The following MYO1A variants were observed in gnomAD, a reference collection of about 807,000 sequenced individuals.
The protein encoded by MYO1A is unconventional myosin-Ia.
MYO1A carries 127 observed loss-of-function variants against 138.5 expected under a neutral mutation model. That is an observed-to-expected ratio of 0.92 (90% CI 0.79 to 1.06). The LOEUF (loss-of-function observed/expected upper bound fraction) is 1.06. Among genes scored for constraint, MYO1A ranks in the 50% least tolerant of loss-of-function variants. The pLI, the probability that MYO1A is intolerant of heterozygous loss-of-function variation, is 0.00. For missense variants in MYO1A, 1,211 were observed against 1,288.8 expected (o/e 0.94, Z 0.92); for synonymous variants, 477 against 497.5 (o/e 0.96, Z 0.55).
chr12:57,047,125 G>A lies in MYO1A; in HGVS notation c.431-18C>T, dbSNP rs1273558891. 6.2e-6 allele frequency: 10 copies of A among 1,613,906 alleles called. No individual in the cohort carries two copies. Among genetic ancestry groups the A allele is most frequent in the Non-Finnish European group, 8.5e-6 (10 of 1,179,864 alleles). Reference sequence around the variant, plus strand: ...GCCAAAAGCTACAGAGATGAGGAGGGGAGAAGTGAAACTCTAGAGAAGGGA... The same window carrying A: ...GCCAAAAGCTACAGAGATGAGGAGGAGAGAAGTGAAACTCTAGAGAAGGGA... On this transcript the variant is annotated intron_variant, in intron 5 of 27. Coordinates refer to ENST00000300119, the MANE Select transcript of MYO1A (RefSeq NM_005379.4).
intron 24 of MYO1A, 121 bp downstream of exon 24, chr12:57,030,089 G>A (rs1282713027): frequency 1.6e-6 from 2 of 1,221,060 alleles, no homozygotes; most frequent in Non-Finnish European, 2.4e-6. Context: ...CTGGATCAGA[G>A]ACTCTGAGGA....
rs772899759 is a variant in MYO1A at position 57,029,252 on chromosome 12, G to A, written c.2885C>T (p.Ser962Leu). ...LFSLHLSEMS[S>L]VGSKGDFLLV... Reference sequence around the variant, plus strand: ...CAGGAAGTCCCCCTTGGAGCCCACCGATGACATCTTAGGAAGAGGGAAAAA... The same window carrying A: ...CAGGAAGTCCCCCTTGGAGCCCACCAATGACATCTTAGGAAGAGGGAAAAA... The change falls in exon 27 of 28, where the codon TCG (serine) becomes TTG (leucine). Residue 962 changes from serine to leucine, a missense_variant. Ser to Leu is a moderately radical substitution (Grantham distance 145). Transcript: ENST00000300119. The A allele has an allele frequency of 1.9e-5, 31 of 1,613,844 alleles. No homozygotes were observed. The highest frequency in any genetic ancestry group is 8.0e-5 in the African/African-American group (6 of 74,860).
chr12:57,047,046 G>C lies in MYO1A; in HGVS notation c.477+15C>G, dbSNP rs762920778. The C allele has an allele frequency of 2.5e-6, 4 of 1,614,024 alleles. No homozygotes were observed. The highest frequency in any genetic ancestry group is 3.3e-5 in the Admixed American group (2 of 60,032). The stretch of plus-strand genomic sequence containing the variant: ...CCCACATCCTCTCTTCCCAGGTGGG[G>C]AGACATTTACTCACAAATCGGGAGG... On this transcript the variant is annotated intron_variant, in intron 6 of 27. Transcript: ENST00000300119.
intron 10 of MYO1A, 71 bp from the exon 11 acceptor site, chr12:57,043,429 A>C: frequency 1.4e-6 from 2 of 1,420,200 alleles, no homozygotes; most frequent in Non-Finnish European, 2.0e-6. Context: ...GCAATCTGAT[A>C]AGTGAAACTG....
At chr12:57,040,560 T>C (rs2030812640) in intron 14 of MYO1A, among the ~76,000 whole-genome samples, 1 of 152,158 alleles carries the variant, frequency 6.6e-6, no homozygotes, top group Admixed American at 6.5e-5. Context: ...ACAAAACAAC[T>C]AAAAAAACTT....
intron 1 of MYO1A, among the ~76,000 whole-genome samples, chr12:57,049,645 A>G (rs2031270279): frequency 6.6e-6 from 1 of 152,226 alleles, no homozygotes; most frequent in South Asian, 2.1e-4. Context: ...CAATATCCCC[A>G]TGAAGTAGAT....
Position 57,047,622 on chromosome 12 carries a change from C to T in MYO1A, c.325+5G>A, listed in dbSNP as rs367695098. 16 of 1,614,026 alleles carry T rather than the reference C, an allele frequency of 9.9e-6. No individual in the cohort carries two copies. Among genetic ancestry groups the T allele is most frequent in the Non-Finnish European group, 8.5e-7 (1 of 1,179,970 alleles). On this transcript the variant is annotated splice_donor_5th_base_variant and intron_variant, in intron 4 of 27. Transcript: ENST00000300119. ...TCCATGTGTTCCCCCAGCCAGGGGC[C>T]TCACCAGTCTTCCCTGATCCACTCT...
intron 2 of MYO1A, 38 bp from the exon 3 acceptor site, chr12:57,048,142 G>A (rs760474048): frequency 6.2e-6 from 10 of 1,603,010 alleles, no homozygotes; most frequent in Non-Finnish European, 2.6e-6. Context: ...TGAGCTTGAG[G>A]GTGAGGTGGG....
chr12:57,044,076 GCC>G, intron 9 of MYO1A, 28 bp downstream of exon 9: 1 of 1,614,072 alleles, frequency 6.2e-7, no homozygotes, highest in South Asian at 1.1e-5. Flanking sequence ...TGACCTAAGG[GCC>G]CAAGCCTGCC....
In MYO1A at chr12:57,036,340, G is replaced by A. The variant is rs147832651; in HGVS notation, c.2316C>T (p.Ala772=). Residue 772 remains alanine, a synonymous_variant, in exon 22 of 28, where the codon GCC becomes GCT. Transcript: ENST00000300119. ...NYRKYFRSEA[A]LTLADFIYKS... ...TGTAGATGAAATCTGCCAAGGTGAG[G>A]GCAGCCTCTGACCGGAAATATTTGC... is the stretch of plus-strand genomic sequence containing the variant. 14 of 1,613,758 alleles carry A rather than the reference G, an allele frequency of 8.7e-6. No homozygotes were observed. The African/African-American group carries it at 1.6e-4, about 18-fold the overall frequency.
chr12:57,049,237 C>A (rs1221673829), intron 1 of MYO1A, among the ~76,000 whole-genome samples: 1 of 152,190 alleles, frequency 6.6e-6, no homozygotes, highest in African/African-American at 2.4e-5. Context: ...GGCAGGTGTT[C>A]CCTAAGGAGG....
chr12:57,037,788 A>G (rs2030634022), intron 18 of MYO1A, 81 bp downstream of exon 18: 1 of 1,528,530 alleles, frequency 6.5e-7, no homozygotes, highest in South Asian at 1.1e-5. Flanking sequence ...GCAGATGTGC[A>G]CTGCACCTCC....
chr12:57,048,389 G>T, intron 1 of MYO1A, 46 bp from the exon 2 acceptor site: 1 of 1,137,222 alleles, frequency 8.8e-7, no homozygotes, highest in Non-Finnish European at 1.3e-6. Flanking sequence ...CAGCTTTAGG[G>T]GCCAGTAACT....
chr12:57,042,048 C>T (rs1470452846), intron 12 of MYO1A, among the ~76,000 whole-genome samples: 2 of 152,136 alleles, frequency 1.3e-5, no homozygotes, highest in African/African-American at 4.8e-5. Context: ...TTAGTATATT[C>T]AAAAGGTTGT....
chr12:57,039,404 T>C, intron 14 of MYO1A, 130 bp from the exon 15 acceptor site: 1 of 752,496 alleles, frequency 1.3e-6, no homozygotes, highest in Non-Finnish European at 2.4e-6. Flanking sequence ...GGGTCCTTGG[T>C]ATGATTTCTA....
rs369452147 is a variant in MYO1A, at chr12:57,037,006, C to T, written c.2141G>A (p.Arg714His). ...IQKIYRGWRCRTHYQLMRKSQ... is the reference protein window; with the variant it reads ...IQKIYRGWRCHTHYQLMRKSQ... ...CTTTCGCATCAGTTGGTAGTGGGTG[C>T]GGCAGCGCCAGCCTCGGTAAATCTT... The change falls in exon 20 of 28, where the codon CGC (arginine) becomes CAC (histidine). Residue 714 changes from arginine (R) to histidine (H), a missense_variant. Coordinates refer to ENST00000300119, the MANE Select transcript of MYO1A (RefSeq NM_005379.4). The T allele has an allele frequency of 3.9e-5, 63 of 1,614,012 alleles. 1 individual carries two copies. The highest frequency in any genetic ancestry group is 2.1e-4 in the South Asian group (19 of 91,086).
intron 22 of MYO1A, among the ~76,000 whole-genome samples, chr12:57,033,366 T>G (rs768266983): frequency 3.3e-5 from 5 of 152,212 alleles, no homozygotes; most frequent in Non-Finnish European, 7.3e-5. Flanking sequence ...TTTTGCCTCT[T>G]TTTTTGAGAC....
chr12:57,042,098 A>G (rs1325995394), intron 12 of MYO1A, among the ~76,000 whole-genome samples: 2 of 152,036 alleles, frequency 1.3e-5, no homozygotes, highest in Non-Finnish European at 2.9e-5. Context: ...CATTTTCACC[A>G]CCCCACAAAA....
chr12:57,047,123 G>A lies in MYO1A; in HGVS notation c.431-16C>T. 1 of 1,613,916 alleles carries A rather than the reference G, an allele frequency of 6.2e-7. No homozygotes were observed. Among genetic ancestry groups the A allele is most frequent in the Non-Finnish European group, 8.5e-7 (1 of 1,179,864 alleles). On this transcript the variant is annotated splice_polypyrimidine_tract_variant and intron_variant, in intron 5 of 27. Coordinates refer to ENST00000300119, the MANE Select transcript of MYO1A (RefSeq NM_005379.4). ...TTGCCAAAAGCTACAGAGATGAGGA[G>A]GGGAGAAGTGAAACTCTAGAGAAGG...
Sources: gnomAD v4.1 joint callset for allele counts (sites outside exome capture counted in the v4.1 genomes callset) on GRCh38, gnomAD v4.1.1 for gene constraint, MANE v1.5 for transcripts, NCBI Gene and HGNC (gene_info 2026-07-23, HGNC 2026-07-21) for gene names.